Variants in GLYATL3 observed in about 807,000 individuals in gnomAD.
The protein encoded by GLYATL3 is glycine-N-acyltransferase like 3, also known as glycine N-acyltransferase-like protein 3.
In GLYATL3, 31 loss-of-function variants were observed where a neutral mutation model predicts 28.5. The ratio of observed to expected loss-of-function variants is 1.09; its 90% CI spans 0.82 to 1.47. GLYATL3 has a LOEUF of 1.47. Ranked by LOEUF, GLYATL3 falls within the 40% of genes most tolerant of loss-of-function variation. The pLI, the probability that GLYATL3 is intolerant of heterozygous loss-of-function variation, is 0.00. For missense variants in GLYATL3, 369 were observed against 351.5 expected, an observed-to-expected ratio of 1.05 and a Z score of -0.40; for synonymous variants, 141 against 140.2, an observed-to-expected ratio of 1.01 and a Z score of -0.04.
chr6:49,508,554 G>A (rs1250617726), intron 1 of GLYATL3, among the ~76,000 whole-genome samples: 1 of 152,108 alleles, frequency 6.6e-6, no homozygotes, highest in Non-Finnish European at 1.5e-5. Context: ...ATATGGACAG[G>A]TGCCCCTCAT....
chr6:49,519,880 G>T (rs1769283632), intron 4 of GLYATL3, among the ~76,000 whole-genome samples: 1 of 152,162 alleles, frequency 6.6e-6, no homozygotes, highest in Non-Finnish European at 1.5e-5. Context: ...CACAGGCCAG[G>T]CTCTTCTGCT....
intron 1 of GLYATL3, among the ~76,000 whole-genome samples, chr6:49,510,871 C>T (rs868847451): frequency 7.2e-5 from 11 of 152,204 alleles, no homozygotes; most frequent in African/African-American, 1.2e-4. Flanking sequence ...TGATCATATG[C>T]TTTCCAGAGG....
Position 49,519,587 on chromosome 6 carries a change from C to A in GLYATL3, c.313+2031C>A, listed in dbSNP as rs114490350. On this transcript the variant is annotated intron_variant, in intron 4 of 5. Transcript: ENST00000371197. ...TCCATAACACAATTCAAAAAGCCTA[C>A]CTACTGGCCATATACATGATCAACA... is the stretch of plus-strand genomic sequence containing the variant. 7.8e-3 allele frequency among the ~76,000 whole-genome samples: 1,188 copies of A among 152,290 alleles called. 13 individuals carry two copies. The highest frequency in any genetic ancestry group is 0.027 in the African/African-American group (1,126 of 41,546).
chr6:49,506,177 C>T (rs1487781646), intron 1 of GLYATL3, among the ~76,000 whole-genome samples: 2 of 152,132 alleles, frequency 1.3e-5, no homozygotes, highest in Admixed American at 1.3e-4. Context: ...AGCTGCATTC[C>T]TAAGTACAGA....
At chr6:49,525,092 C>CTT (rs1561980869) in intron 5 of GLYATL3, among the ~76,000 whole-genome samples, 9 of 82,766 alleles carry the variant, frequency 1.1e-4, no homozygotes, top group East Asian at 8.4e-4. Context: ...TATTCTAAAA[C>CTT]ATTTTTTTTT....
intron 1 of GLYATL3, among the ~76,000 whole-genome samples, chr6:49,506,018 T>C (rs1769004853): frequency 6.6e-6 from 1 of 152,222 alleles, no homozygotes; most frequent in African/African-American, 2.4e-5. Context: ...CCTGATAAAG[T>C]AGCAAATAGA....
rs899335019 is a variant in GLYATL3 at position 49,526,412 on chromosome 6, C to T, written c.441-76C>T. On this transcript the variant is annotated intron_variant, in intron 5 of 5. Transcript: ENST00000371197. Reference sequence around the variant, plus strand: ...TGGGCGACAGAGCAAGACTGTGTCTCGAAAAAAAAAATGTGTAGTTATGTA... The same window carrying T: ...TGGGCGACAGAGCAAGACTGTGTCTTGAAAAAAAAAATGTGTAGTTATGTA... 1.2e-5 allele frequency: 15 copies of T among 1,270,582 alleles called. No individual in the cohort carries two copies. The African/African-American group carries it at 1.8e-4, about 15-fold the overall frequency. The allele number at this position is 1,270,582 out of a possible 1,614,324, so 78.7% of individuals were successfully genotyped here.
At chr6:49,501,304 C>A (rs1483810236) in intron 1 of GLYATL3, among the ~76,000 whole-genome samples, 1 of 152,068 alleles carries the variant, frequency 6.6e-6, no homozygotes, top group Non-Finnish European at 1.5e-5. Context: ...CAGCAGCCCG[C>A]AATGCAACGG....
chr6:49,511,875 A>G (rs1451709054), intron 1 of GLYATL3, 88 bp from the exon 2 acceptor site: 8 of 541,244 alleles, frequency 1.5e-5, no homozygotes, highest in Non-Finnish European at 2.3e-5. Context: ...AATTATACCC[A>G]ATGAAAATAG....
intron 1 of GLYATL3, among the ~76,000 whole-genome samples, chr6:49,505,902 T>A (rs1769002993): frequency 6.6e-6 from 1 of 152,216 alleles, no homozygotes; most frequent in African/African-American, 2.4e-5. Context: ...AAGGCAAATT[T>A]GGGTCAATAC....
At chr6:49,504,782 GCTCA>G (rs888410360) in intron 1 of GLYATL3, among the ~76,000 whole-genome samples, 26 of 152,012 alleles carry the variant, frequency 1.7e-4, no homozygotes, top group African/African-American at 5.8e-4. Context: ...TCTGTTTTGC[GCTCA>G]CTAAGAATTC....
At chr6:49,520,529 G>T (rs1769295315) in intron 4 of GLYATL3, among the ~76,000 whole-genome samples, 1 of 152,168 alleles carries the variant, frequency 6.6e-6, no homozygotes, top group South Asian at 2.1e-4. Flanking sequence ...TCCCACTCAT[G>T]CATTCTTCAA....
intron 4 of GLYATL3, among the ~76,000 whole-genome samples, chr6:49,519,840 G>C (rs1182801989): frequency 6.6e-6 from 1 of 152,170 alleles, no homozygotes; most frequent in Non-Finnish European, 1.5e-5. Flanking sequence ...CCATATGAAA[G>C]CAGGAAGTGA....
At chr6:49,507,140 C>A (rs543274958) in intron 1 of GLYATL3, among the ~76,000 whole-genome samples, 1 of 152,124 alleles carries the variant, frequency 6.6e-6, no homozygotes, top group African/African-American at 2.4e-5. Context: ...AGATCAAATT[C>A]TCCCTCATCA....
chr6:49,521,590 T>C, intron 4 of GLYATL3, 55 bp from the exon 5 acceptor site: 1 of 1,487,462 alleles, frequency 6.7e-7, no homozygotes, highest in East Asian at 2.5e-5. Context: ...CAAATTTCCT[T>C]TTTGCTTTTT....
intron 2 of GLYATL3, among the ~76,000 whole-genome samples, chr6:49,512,575 G>T (rs1194634362): frequency 6.6e-6 from 1 of 152,052 alleles, no homozygotes; most frequent in Admixed American, 6.6e-5. Context: ...TAGCAGAAGG[G>T]TATGGACTAG....
At chr6:49,513,958 TGATAAGG>T (rs1387387009) in intron 2 of GLYATL3, among the ~76,000 whole-genome samples, 3 of 152,036 alleles carry the variant, frequency 2.0e-5, no homozygotes, top group Non-Finnish European at 1.5e-5. Context: ...AACAAAAAAG[TGATAAGG>T]GAGGTAAATG....
chr6:49,515,641 T>C lies in GLYATL3; in HGVS notation c.79-12T>C. The C allele has an allele frequency of 6.7e-7, 1 of 1,483,974 alleles. No homozygotes were observed. Among genetic ancestry groups the C allele is most frequent in the Non-Finnish European group, 9.2e-7 (1 of 1,085,296 alleles). 91.9% of individuals were successfully genotyped at this position (1,483,974 alleles called of 1,614,324 possible). A position where few individuals can be genotyped will look rare whatever the true frequency, so the allele number is the denominator to read the frequency against. On this transcript the variant is annotated splice_polypyrimidine_tract_variant and intron_variant, in intron 2 of 5. Transcript: ENST00000371197. Reference sequence around the variant, plus strand: ...TAGTATGATTGGCTTGTCTCTGGGTTATCTGACTCAGGTTTACGGAGCGGT... The same window carrying C: ...TAGTATGATTGGCTTGTCTCTGGGTCATCTGACTCAGGTTTACGGAGCGGT...
intron 1 of GLYATL3, among the ~76,000 whole-genome samples, chr6:49,502,769 T>A (rs1441953650): frequency 6.6e-6 from 1 of 152,162 alleles, no homozygotes; most frequent in Non-Finnish European, 1.5e-5. Context: ...CCATTATTAC[T>A]GCAATTAATG....
Sources: gnomAD v4.1 joint callset for allele counts (sites outside exome capture counted in the v4.1 genomes callset) on GRCh38, gnomAD v4.1.1 for gene constraint, MANE v1.5 for transcripts, NCBI Gene and HGNC (gene_info 2026-07-23, HGNC 2026-07-21) for gene names.